TMED8: variants seen among roughly 807,000 people sequenced by gnomAD.
TMED8 encodes transmembrane p24 trafficking protein family member 8.
Under a neutral mutation model 32.7 loss-of-function variants are expected in TMED8, and 15 were observed. That is an observed-to-expected ratio of 0.46 (90% confidence interval 0.31 to 0.71). The LOEUF (loss-of-function observed/expected upper bound fraction) is 0.71. TMED8 is among the 30% of genes least tolerant of loss of function. The probability of loss-of-function intolerance (pLI) is 0.06; values close to 1 mark genes in which losing one functional copy is unlikely to be tolerated. For missense variants in TMED8, 390 were observed against 423.9 expected, an observed-to-expected ratio of 0.92 and a Z score of 0.70; for synonymous variants, 147 against 161.4, an observed-to-expected ratio of 0.91 and a Z score of 0.68.
intron 1 of TMED8, 50 bp from the exon 2 acceptor site, chr14:77,351,801 C>G (rs372091637): frequency 2.7e-6 from 4 of 1,466,650 alleles, no homozygotes; most frequent in Non-Finnish European, 3.8e-6. Flanking sequence ...GGAATACAAT[C>G]ATAATTATCT....
At position 77,341,628 on chromosome 14, in the gene TMED8, G is replaced by A. The variant is rs1216717843; in HGVS notation, c.*143C>T. On this transcript the variant is annotated 3_prime_UTR_variant, in exon 6 of 6. Transcript: ENST00000216468. Reference sequence around the variant, plus strand: ...CCAAGAAGGGGAAAAAGCTACGTGGGCCAACAGTCAGGCATGCCAGACAGG... The same window carrying A: ...CCAAGAAGGGGAAAAAGCTACGTGGACCAACAGTCAGGCATGCCAGACAGG... 1.2e-5 allele frequency: 9 copies of A among 769,954 alleles called. No individual in the cohort carries two copies. Among genetic ancestry groups the A allele is most frequent in the Non-Finnish European group, 1.5e-5 (7 of 470,352 alleles). The allele number at this position is 769,954 out of a possible 1,614,324, so 47.7% of individuals were successfully genotyped here. A position where few individuals can be genotyped will look rare whatever the true frequency, so the allele number is the denominator to read the frequency against.
chr14:77,346,760 GTTTTTTTTTTTTTTT>G lies in TMED8; in HGVS notation c.198-297_198-283del. 8.5e-4 allele frequency among the ~76,000 whole-genome samples: 59 copies of G among 69,444 alleles called. 1 individual carries two copies. Among genetic ancestry groups the G allele is most frequent in the Non-Finnish European group, 1.3e-3 (48 of 37,858 alleles). The allele number at this position is 69,444 out of a possible 152,430, so 45.6% of individuals were successfully genotyped here. On this transcript the variant is annotated intron_variant, in intron 2 of 5. Transcript: ENST00000216468. ...TCATCTGAGATGGACTGCTGGTCTGGTTTTTTTTTTTTTTTTTTTTTTTTGTCATTGTTGTTTCTT... is the reference window on the plus strand; with the variant it reads ...TCATCTGAGATGGACTGCTGGTCTGGTTTTTTTTTGTCATTGTTGTTTCTT...
intron 1 of TMED8, among the ~76,000 whole-genome samples, chr14:77,368,133 C>T (rs1893598766): frequency 6.6e-6 from 1 of 152,198 alleles, no homozygotes; most frequent in Admixed American, 6.5e-5. Flanking sequence ...GTCTTGGCTA[C>T]AGTGCATACA....
At chr14:77,369,421 G>A (rs181970816) in intron 1 of TMED8, among the ~76,000 whole-genome samples, 1 of 152,298 alleles carries the variant, frequency 6.6e-6, no homozygotes, top group African/African-American at 2.4e-5. Flanking sequence ...TGTTTCTGAA[G>A]CTGAGTTGCA....
intron 1 of TMED8, among the ~76,000 whole-genome samples, chr14:77,364,765 A>C (rs1443281812): frequency 6.6e-6 from 1 of 152,226 alleles, no homozygotes; most frequent in African/African-American, 2.4e-5. Context: ...AACCTTGTCA[A>C]GGTCTACACA....
At chr14:77,365,903 C>T (rs1468085954) in intron 1 of TMED8, among the ~76,000 whole-genome samples, 1 of 152,030 alleles carries the variant, frequency 6.6e-6, no homozygotes, top group Non-Finnish European at 1.5e-5. Flanking sequence ...GATAGGAGGC[C>T]TCTGCAGAAG....
At chr14:77,354,296 G>C (rs1251824068) in intron 1 of TMED8, among the ~76,000 whole-genome samples, 1 of 151,646 alleles carries the variant, frequency 6.6e-6, no homozygotes, top group African/African-American at 2.4e-5. Flanking sequence ...AGATCTCCAG[G>C]GCTTATAAAA....
chr14:77,347,550 G>A lies in TMED8; in HGVS notation c.198-1072C>T, dbSNP rs1893078751. On this transcript the variant is annotated intron_variant, in intron 2 of 5. Coordinates refer to ENST00000216468, the MANE Select transcript of TMED8 (RefSeq NM_213601.3). ...CCCGAGTAGCTGGGATCACAGGCAT[G>A]TGCCACGACACCCGGCTAATTTTGT... is the stretch of plus-strand genomic sequence containing the variant. Among the ~76,000 whole-genome samples the A allele has an allele frequency of 2.6e-5, 4 of 152,176 alleles. 1 individual carries two copies. Among genetic ancestry groups the A allele is most frequent in the Admixed American group, 2.6e-4 (4 of 15,278 alleles).
intron 1 of TMED8, among the ~76,000 whole-genome samples, chr14:77,355,854 G>A (rs575953191): frequency 5.1e-4 from 77 of 152,298 alleles, no homozygotes; most frequent in South Asian, 6.2e-4. Context: ...ATTCTCTTCC[G>A]TAAAATCTGG....
chr14:77,339,014 G>A lies in TMED8; in HGVS notation c.*2757C>T, dbSNP rs1264132828. The A allele has an allele frequency of 6.6e-6, 1 of 152,148 alleles. No homozygotes were observed. The highest frequency in any genetic ancestry group is 6.5e-5 in the Admixed American group (1 of 15,274). The allele number at this position is 152,148 out of a possible 1,614,324, so 9.4% of individuals were successfully genotyped here. ...TATTTGTTTGTGCTCTAGAGAACAG[G>A]GTGAGGATCAAAGCAAACGGTTTTC... On this transcript the variant is annotated 3_prime_UTR_variant, in exon 6 of 6. Transcript: ENST00000216468.
At chr14:77,349,881 T>C (rs1297261589) in intron 2 of TMED8, among the ~76,000 whole-genome samples, 2 of 152,250 alleles carry the variant, frequency 1.3e-5, no homozygotes, top group African/African-American at 2.4e-5. Context: ...ACATCAACTC[T>C]TTCCACGAGA....
At chr14:77,352,407 T>C (rs530019597) in intron 1 of TMED8, among the ~76,000 whole-genome samples, 147 of 133,586 alleles carry the variant, frequency 1.1e-3, no homozygotes, top group Non-Finnish European at 2.0e-3. Context: ...ACAGCAAAAC[T>C]CCGTCTCAAA....
Position 77,337,288 on chromosome 14 carries a change from G to C in TMED8, c.*4483C>G, listed in dbSNP as rs1325740061. ...CCGGAGCAGCTTCACAATCACTCTTGTACTGACATGCCAGTTAGTAAGGAA... is the reference window on the plus strand; with the variant it reads ...CCGGAGCAGCTTCACAATCACTCTTCTACTGACATGCCAGTTAGTAAGGAA... On this transcript the variant is annotated 3_prime_UTR_variant, in exon 6 of 6. Transcript: ENST00000216468. 1.3e-5 allele frequency: 2 copies of C among 152,186 alleles called. No individual in the cohort carries two copies. The highest frequency in any genetic ancestry group is 4.8e-5 in the African/African-American group (2 of 41,422). 9.4% of individuals were successfully genotyped at this position (152,186 alleles called of 1,614,324 possible).
intron 1 of TMED8, among the ~76,000 whole-genome samples, chr14:77,368,270 T>C (rs1893600875): frequency 2.8e-5 from 2 of 72,350 alleles, no homozygotes; most frequent in South Asian, 9.3e-4. Flanking sequence ...ACCAGCATTG[T>C]AGCATCATTT....
At chr14:77,344,781 G>A (rs1020744187) in intron 3 of TMED8, among the ~76,000 whole-genome samples, 2 of 152,160 alleles carry the variant, frequency 1.3e-5, no homozygotes, top group Admixed American at 6.5e-5. Flanking sequence ...AATCCTCCCA[G>A]GCTGTATTCT....
chr14:77,348,308 C>T (rs1893096306), intron 2 of TMED8, among the ~76,000 whole-genome samples: 1 of 151,940 alleles, frequency 6.6e-6, no homozygotes, highest in Non-Finnish European at 1.5e-5. Flanking sequence ...ACTCAAGCTC[C>T]GCCTCCCGGG....
intron 1 of TMED8, among the ~76,000 whole-genome samples, chr14:77,368,997 C>A (rs1893618623): frequency 1.3e-5 from 2 of 152,148 alleles, no homozygotes; most frequent in South Asian, 4.1e-4. Context: ...AAATATTCTC[C>A]CATATCCTAT....
intron 1 of TMED8, among the ~76,000 whole-genome samples, chr14:77,374,356 G>T (rs746971582): frequency 6.6e-6 from 1 of 152,176 alleles, no homozygotes; most frequent in Non-Finnish European, 1.5e-5. Context: ...CTAACACAGC[G>T]TTCCCAAAAG....
chr14:77,345,659 C>CA lies in TMED8; in HGVS notation c.327+689dup, dbSNP rs11297608. 8.2e-3 allele frequency among the ~76,000 whole-genome samples: 845 copies of CA among 103,010 alleles called. 12 individuals are homozygous for CA. The highest frequency in any genetic ancestry group is 0.011 in the East Asian group (30 of 2,806). The allele number at this position is 103,010 out of a possible 152,430, so 67.6% of individuals were successfully genotyped here. ...GGGTGACAGAGTGAGACCTTTGTCT[C>CA]AAAAAAAAAAAAAAAAAAAAAAAAT... On this transcript the variant is annotated intron_variant, in intron 3 of 5. Coordinates refer to ENST00000216468, the MANE Select transcript of TMED8 (RefSeq NM_213601.3).
Sources: gnomAD v4.1 joint callset for allele counts (sites outside exome capture counted in the v4.1 genomes callset) on GRCh38, gnomAD v4.1.1 for gene constraint, MANE v1.5 for transcripts, NCBI Gene and HGNC (gene_info 2026-07-23, HGNC 2026-07-21) for gene names.